STXBP5: variants seen among roughly 807,000 people sequenced by gnomAD.
STXBP5 encodes the protein syntaxin binding protein 5, also known as syntaxin-binding protein 5.
A neutral mutation model predicts 152.4 loss-of-function variants in STXBP5; 50 were observed. The observed-to-expected ratio is 0.33, with a 90% CI of 0.26 to 0.42. The LOEUF is 0.42. STXBP5 is among the 10% of genes least tolerant of loss of function. The pLI is 1.00. For missense variants in STXBP5, 1,167 were observed against 1,388.6 expected (o/e 0.84, Z 2.54); for synonymous variants, 492 against 494.7 (o/e 0.99, Z 0.07).
intron 6 of STXBP5, 69 bp from the exon 7 acceptor site, chr6:147,267,015 A>C: frequency 7.7e-7 from 1 of 1,296,948 alleles, no homozygotes; most frequent in South Asian, 1.3e-5. Flanking sequence ...AGTTATTTTC[A>C]TTGTCAGCAA....
At chr6:147,332,004 C>G (rs1386354025) in intron 18 of STXBP5, among the ~76,000 whole-genome samples, 2 of 152,176 alleles carry the variant, frequency 1.3e-5, no homozygotes, top group African/African-American at 4.8e-5. Context: ...GCACTTAAAA[C>G]ATATCTGGCA....
chr6:147,205,747 G>A (rs1776518256), intron 1 of STXBP5, among the ~76,000 whole-genome samples: 1 of 152,150 alleles, frequency 6.6e-6, no homozygotes, highest in Non-Finnish European at 1.5e-5. Context: ...TTATGGAAAA[G>A]CGAAATTAAA....
intron 7 of STXBP5, among the ~76,000 whole-genome samples, chr6:147,277,601 AACAT>A (rs1411843145): frequency 6.6e-6 from 1 of 152,112 alleles, no homozygotes; most frequent in African/African-American, 2.4e-5. Flanking sequence ...AGAGATGAGG[AACAT>A]GTCTTATAGC....
At chr6:147,348,326 A>C (rs955932761) in intron 21 of STXBP5, among the ~76,000 whole-genome samples, 1 of 151,686 alleles carries the variant, frequency 6.6e-6, no homozygotes, top group South Asian at 2.1e-4. Context: ...TAGGATTTAA[A>C]TCCTTTCCCT....
intron 2 of STXBP5, among the ~76,000 whole-genome samples, chr6:147,224,824 A>T (rs556606508): frequency 6.6e-6 from 1 of 152,284 alleles, no homozygotes; most frequent in Non-Finnish European, 1.5e-5. Context: ...TCTAAAGCTC[A>T]TCCTCTTTTC....
At chr6:147,294,739 G>A (rs547642855) in intron 9 of STXBP5, among the ~76,000 whole-genome samples, 283 of 152,296 alleles carry the variant, frequency 1.9e-3, no homozygotes, top group African/African-American at 6.6e-3. Context: ...TGTGAAAATA[G>A]TTTTGCCAGT....
chr6:147,208,807 A>G (rs956130439), intron 2 of STXBP5, among the ~76,000 whole-genome samples: 10 of 152,168 alleles, frequency 6.6e-5, no homozygotes, highest in African/African-American at 2.4e-4. Flanking sequence ...CAAAAAATCA[A>G]AGAAGAAAGA....
chr6:147,364,431 A>G (rs1785201516), intron 25 of STXBP5, among the ~76,000 whole-genome samples: 1 of 152,222 alleles, frequency 6.6e-6, no homozygotes, highest in Admixed American at 6.5e-5. Context: ...ACTGGTGCAT[A>G]CATTTTATAA....
chr6:147,338,011 G>A (rs773224848), intron 19 of STXBP5, among the ~76,000 whole-genome samples: 1 of 151,994 alleles, frequency 6.6e-6, no homozygotes, highest in African/African-American at 2.4e-5. Context: ...TGTTATATGT[G>A]GTGTCAAATT....
intron 2 of STXBP5, among the ~76,000 whole-genome samples, chr6:147,221,587 C>T (rs979680422): frequency 1.1e-4 from 17 of 151,078 alleles, no homozygotes; most frequent in African/African-American, 4.1e-4. Flanking sequence ...TTATTTCTCT[C>T]TCTTCTTGCC....
chr6:147,209,719 A>G (rs1776752486), intron 2 of STXBP5, among the ~76,000 whole-genome samples: 2 of 152,314 alleles, frequency 1.3e-5, no homozygotes, highest in South Asian at 2.1e-4. Flanking sequence ...GACATTACAC[A>G]AAGTCAGGTT....
At position 147,303,523 on chromosome 6, in the gene STXBP5, G is replaced by A. The variant is rs186263701; in HGVS notation, c.918-6561G>A. The stretch of plus-strand genomic sequence containing the variant: ...AGCAGCAGGAGAACTAACTAATACA[G>A]TAAATTGGCACCAGGAGTGGGGCAC... On this transcript the variant is annotated intron_variant, in intron 9 of 27. Transcript: ENST00000321680. Among the ~76,000 whole-genome samples the A allele has an allele frequency of 4.2e-4, 64 of 152,264 alleles. 1 individual carries two copies. In the East Asian group the frequency reaches 4.2e-3, roughly 10 times the overall value.
At chr6:147,384,600 G>T in intron 27 of STXBP5, 114 bp from the exon 28 acceptor site, 1 of 1,010,210 alleles carries the variant, frequency 9.9e-7, no homozygotes, top group Non-Finnish European at 1.5e-6. Flanking sequence ...GCATATAGTA[G>T]CACTACAGAA....
chr6:147,250,516 ATAT>A (rs1478642546), intron 4 of STXBP5, among the ~76,000 whole-genome samples: 1 of 152,168 alleles, frequency 6.6e-6, no homozygotes, highest in African/African-American at 2.4e-5. Context: ...TTATATGCAA[ATAT>A]TATACCATTT....
At chr6:147,384,588 A>G in intron 27 of STXBP5, 126 bp from the exon 28 acceptor site, 1 of 899,576 alleles carries the variant, frequency 1.1e-6, no homozygotes, top group Non-Finnish European at 1.8e-6. Context: ...AAGTTGAAGT[A>G]AGCATATAGT....
intron 2 of STXBP5, among the ~76,000 whole-genome samples, chr6:147,233,439 A>G (rs1353438405): frequency 6.6e-6 from 1 of 151,800 alleles, no homozygotes; most frequent in Non-Finnish European, 1.5e-5. Flanking sequence ...CCTAATATCA[A>G]AAGATTAGCA....
Position 147,215,680 on chromosome 6 carries a change from C to T in STXBP5, c.248+9612C>T, listed in dbSNP as rs570369739. On this transcript the variant is annotated intron_variant, in intron 2 of 27. Coordinates refer to ENST00000321680, the MANE Select transcript of STXBP5 (RefSeq NM_001127715.4). ...TATAGGCGTGAGCCACTGCGCCGAGCCAATTTTTTAATCAGTAATTTTTAA... is the reference window on the plus strand; with the variant it reads ...TATAGGCGTGAGCCACTGCGCCGAGTCAATTTTTTAATCAGTAATTTTTAA... Among the ~76,000 whole-genome samples, 4 of 152,220 alleles carry T rather than the reference C, an allele frequency of 2.6e-5. No homozygotes were observed. The East Asian group carries it at 7.7e-4, about 29-fold the overall frequency.
chr6:147,225,906 T>A (rs530205340), intron 2 of STXBP5, among the ~76,000 whole-genome samples: 1 of 152,296 alleles, frequency 6.6e-6, no homozygotes, highest in African/African-American at 2.4e-5. Flanking sequence ...AGGGCTATAA[T>A]GGATCCTAGA....
chr6:147,286,351 T>C (rs1013019276), intron 8 of STXBP5, among the ~76,000 whole-genome samples: 19 of 152,180 alleles, frequency 1.2e-4, no homozygotes, highest in African/African-American at 4.1e-4. Context: ...GGATTCAATG[T>C]TCCATTACCA....
Sources: gnomAD v4.1 joint callset for allele counts (sites outside exome capture counted in the v4.1 genomes callset) on GRCh38, gnomAD v4.1.1 for gene constraint, MANE v1.5 for transcripts, NCBI Gene and HGNC (gene_info 2026-07-23, HGNC 2026-07-21) for gene names.